Variants in WWOX observed in about 807,000 individuals in gnomAD.
WWOX encodes WW domain containing oxidoreductase.
In WWOX, 69 loss-of-function variants were observed where a neutral mutation model predicts 46.2. That is an observed-to-expected ratio of 1.49 (90% CI 1.23 to 1.82). WWOX has a LOEUF of 1.82. Among genes scored for constraint, WWOX ranks in the 40% most tolerant of loss-of-function variants. The pLI, the probability that WWOX is intolerant of heterozygous loss-of-function variation, is 0.00. For missense variants in WWOX, 919 were observed against 542.6 expected (o/e 1.69, Z -6.89); for synonymous variants, 359 against 202.6 (o/e 1.77, Z -6.56).
chr16:78,358,960 T>C (rs1325368330), intron 5 of WWOX, among the ~76,000 whole-genome samples: 3 of 150,738 alleles, frequency 2.0e-5, no homozygotes, highest in Non-Finnish European at 4.4e-5. Context: ...CTTGACATTA[T>C]AGCTTCATAA....
At chr16:78,823,650 A>G (rs559241351) in intron 8 of WWOX, among the ~76,000 whole-genome samples, 1 of 152,268 alleles carries the variant, frequency 6.6e-6, no homozygotes, top group Admixed American at 6.5e-5. Context: ...AGTTTATATA[A>G]AAGTATACAC....
At chr16:78,464,247 G>A (rs1323006808) in intron 8 of WWOX, among the ~76,000 whole-genome samples, 2 of 151,724 alleles carry the variant, frequency 1.3e-5, no homozygotes, top group Non-Finnish European at 1.5e-5. Flanking sequence ...AGGGAGAGAC[G>A]GAGGGAGATG....
At chr16:78,871,167 A>T (rs1035882444) in intron 8 of WWOX, among the ~76,000 whole-genome samples, 1 of 146,362 alleles carries the variant, frequency 6.8e-6, no homozygotes, top group Non-Finnish European at 1.5e-5. Context: ...AACTTTCGTG[A>T]AGGTTGTTTT....
Position 78,354,853 on chromosome 16 carries a change from G to A in WWOX, c.517-32007G>A, listed in dbSNP as rs145554676. Among the ~76,000 whole-genome samples, 532 of 152,248 alleles carry A rather than the reference G, an allele frequency of 3.5e-3. 6 individuals are homozygous for A. The highest frequency in any genetic ancestry group is 0.012 in the African/African-American group (503 of 41,542). ...TATATCATCAAAAACAGAGATGACAGCCAGGGGTGGTGGTGCATGCCTATA... is the reference window on the plus strand; with the variant it reads ...TATATCATCAAAAACAGAGATGACAACCAGGGGTGGTGGTGCATGCCTATA... On this transcript the variant is annotated intron_variant, in intron 5 of 8. Coordinates refer to ENST00000566780, the MANE Select transcript of WWOX (RefSeq NM_016373.4).
In WWOX at chr16:78,226,826, C is replaced by G. The variant is rs1029857778; in HGVS notation, c.516+62537C>G. Among the ~76,000 whole-genome samples the G allele has an allele frequency of 2.0e-5, 3 of 152,170 alleles. No homozygotes were observed. The South Asian group carries it at 6.2e-4, about 32-fold the overall frequency. ...CGTTTCCCCCAGCCTTCCCTACCTG[C>G]TGAGGGCTGCTCCCAGCCTAAGGAT... On this transcript the variant is annotated intron_variant, in intron 5 of 8. Transcript: ENST00000566780.
chr16:78,948,552 A>G (rs946973165), intron 8 of WWOX, among the ~76,000 whole-genome samples: 1 of 152,048 alleles, frequency 6.6e-6, no homozygotes, highest in Non-Finnish European at 1.5e-5. Flanking sequence ...GGTGCCCATG[A>G]CAGCTCTGCT....
rs1420854261 is a variant in WWOX, at chr16:78,261,776, C to CTATATA, written c.516+97490_516+97491insATATAT. ...TCTGTCTATCTATCTATCTATGTAT[C>CTATATA]TATCTATCTATCTATATATATATAT... On this transcript the variant is annotated intron_variant, in intron 5 of 8. Coordinates refer to ENST00000566780, the MANE Select transcript of WWOX (RefSeq NM_016373.4). Among the ~76,000 whole-genome samples, 35 of 38,354 alleles carry CTATATA rather than the reference C, an allele frequency of 9.1e-4. 3 individuals carry two copies. Among genetic ancestry groups the CTATATA allele is most frequent in the South Asian group, 5.7e-3 (7 of 1,234 alleles). The allele number at this position is 38,354 out of a possible 152,430, so 25.2% of individuals were successfully genotyped here.
intron 8 of WWOX, among the ~76,000 whole-genome samples, chr16:79,083,882 C>G (rs942204236): frequency 6.6e-6 from 1 of 152,192 alleles, no homozygotes; most frequent in Non-Finnish European, 1.5e-5. Context: ...TGTTTTAATG[C>G]AAACTGACAT....
intron 5 of WWOX, among the ~76,000 whole-genome samples, chr16:78,329,087 C>T (rs1385894305): frequency 6.6e-6 from 1 of 152,132 alleles, no homozygotes; most frequent in Non-Finnish European, 1.5e-5. Context: ...TCTTGGATTC[C>T]TGATCTCACA....
At chr16:78,885,316 T>A (rs995509974) in intron 8 of WWOX, among the ~76,000 whole-genome samples, 4 of 152,146 alleles carry the variant, frequency 2.6e-5, no homozygotes, top group Non-Finnish European at 5.9e-5. Flanking sequence ...TTATAAATAT[T>A]TGAATAACAT....
At chr16:79,122,877 A>T (rs77169127) in intron 8 of WWOX, among the ~76,000 whole-genome samples, 2 of 152,318 alleles carry the variant, frequency 1.3e-5, no homozygotes, top group East Asian at 1.9e-4. Flanking sequence ...GGGCTGTTGT[A>T]CTGAGGCTTG....
intron 8 of WWOX, among the ~76,000 whole-genome samples, chr16:78,781,101 C>T (rs909054326): frequency 3.3e-5 from 5 of 152,116 alleles, no homozygotes; most frequent in African/African-American, 1.2e-4. Flanking sequence ...TTTCTAGAGC[C>T]AAACAAATGC....
At chr16:79,192,480 C>T (rs936779486) in intron 8 of WWOX, among the ~76,000 whole-genome samples, 2 of 152,194 alleles carry the variant, frequency 1.3e-5, no homozygotes, top group African/African-American at 2.4e-5. Flanking sequence ...ATTTTAGCCT[C>T]ATCTCGTTAG....
intron 8 of WWOX, among the ~76,000 whole-genome samples, chr16:78,702,234 G>A (rs992956810): frequency 6.7e-6 from 1 of 149,586 alleles, no homozygotes; most frequent in African/African-American, 2.5e-5. Context: ...GAGCAGTGAT[G>A]ACTCCACTAT....
chr16:78,188,218 G>A (rs542930577), intron 5 of WWOX, among the ~76,000 whole-genome samples: 63 of 152,160 alleles, frequency 4.1e-4, no homozygotes, highest in African/African-American at 1.3e-3. Context: ...GGCCGGGCGC[G>A]GGAGCTCACA....
intron 8 of WWOX, among the ~76,000 whole-genome samples, chr16:78,561,207 C>T (rs567171615): frequency 1.6e-3 from 241 of 152,186 alleles, no homozygotes; most frequent in Admixed American, 2.7e-3. Context: ...CCCTGCATCT[C>T]AAAGCCAGCA....
intron 8 of WWOX, among the ~76,000 whole-genome samples, chr16:78,965,492 C>T (rs997268179): frequency 1.3e-5 from 2 of 151,852 alleles, no homozygotes; most frequent in African/African-American, 4.8e-5. Flanking sequence ...ATCACTTGAA[C>T]CCGGAAAGTA....
At chr16:78,893,561 C>T (rs1597116446) in intron 8 of WWOX, among the ~76,000 whole-genome samples, 1 of 152,196 alleles carries the variant, frequency 6.6e-6, no homozygotes, top group Non-Finnish European at 1.5e-5. Flanking sequence ...GACTCAGCTC[C>T]TTCCACTTCT....
chr16:78,537,596 A>G (rs956895608), intron 8 of WWOX, among the ~76,000 whole-genome samples: 3 of 152,086 alleles, frequency 2.0e-5, no homozygotes, highest in African/African-American at 7.2e-5. Context: ...GAACCAATTC[A>G]TCTGTGAAAA....
Sources: gnomAD v4.1 joint callset for allele counts (sites outside exome capture counted in the v4.1 genomes callset) on GRCh38, gnomAD v4.1.1 for gene constraint, MANE v1.5 for transcripts, NCBI Gene and HGNC (gene_info 2026-07-23, HGNC 2026-07-21) for gene names.